CSMD1: variants seen among roughly 807,000 people sequenced by gnomAD.
CSMD1 encodes CUB and sushi domain-containing protein 1.
A neutral mutation model predicts 417.5 loss-of-function variants in CSMD1; 213 were observed. The ratio of observed to expected loss-of-function variants is 0.51; its 90% CI spans 0.46 to 0.57. CSMD1 has a LOEUF of 0.57. Ranked by LOEUF, CSMD1 falls within the 20% of genes least tolerant of loss-of-function variation. The probability of loss-of-function intolerance (pLI) is 0.00; values close to 1 mark genes in which losing one functional copy is unlikely to be tolerated. For synonymous variants in CSMD1, 2,862 were observed against 1,736.8 expected (o/e 1.65, Z -16.11); for missense variants, 6,923 against 4,529.7 (o/e 1.53, Z -15.17).
intron 1 of CSMD1, among the ~76,000 whole-genome samples, chr8:4,896,052 T>C (rs570005704): frequency 6.6e-6 from 1 of 152,268 alleles, no homozygotes; most frequent in African/African-American, 2.4e-5. Context: ...TGTAGTTCAA[T>C]GTGTGGTTTG....
At chr8:3,531,120 C>G (rs1397928925) in intron 10 of CSMD1, among the ~76,000 whole-genome samples, 3 of 152,084 alleles carry the variant, frequency 2.0e-5, no homozygotes, top group Non-Finnish European at 4.4e-5. Context: ...CTAGGCCTCC[C>G]AAAGTGCTGG....
chr8:4,389,639 T>C (rs1313524258), intron 3 of CSMD1, among the ~76,000 whole-genome samples: 1 of 152,174 alleles, frequency 6.6e-6, no homozygotes, highest in East Asian at 1.9e-4. Context: ...CAAATCGTAG[T>C]ATCCACTTCC....
chr8:3,501,288 A>G (rs891075801), intron 10 of CSMD1, among the ~76,000 whole-genome samples: 1 of 152,124 alleles, frequency 6.6e-6, no homozygotes, highest in Admixed American at 6.5e-5. Context: ...ACACATACAC[A>G]CACACCCCAA....
chr8:4,444,197 C>G (rs937208757), intron 2 of CSMD1, among the ~76,000 whole-genome samples: 1 of 151,650 alleles, frequency 6.6e-6, no homozygotes, highest in African/African-American at 2.4e-5. Flanking sequence ...TAAAAACTAG[C>G]CAGGCATGGT....
At chr8:4,308,854 G>C (rs1297688638) in intron 3 of CSMD1, among the ~76,000 whole-genome samples, 1 of 152,040 alleles carries the variant, frequency 6.6e-6, no homozygotes, top group Non-Finnish European at 1.5e-5. Context: ...CATATCAAAG[G>C]CATGTAATGA....
At chr8:4,504,725 A>G (rs1802432064) in intron 2 of CSMD1, among the ~76,000 whole-genome samples, 2 of 152,220 alleles carry the variant, frequency 1.3e-5, no homozygotes, top group Middle Eastern at 6.8e-3. Flanking sequence ...GAGTCAGAAC[A>G]TGTGATGTTT....
At chr8:4,553,633 T>C (rs1797966679) in intron 2 of CSMD1, among the ~76,000 whole-genome samples, 1 of 152,176 alleles carries the variant, frequency 6.6e-6, no homozygotes, top group South Asian at 2.1e-4. Flanking sequence ...TCTACCAATA[T>C]AGCATGAAAA....
chr8:3,473,382 T>G (rs1047904565), intron 11 of CSMD1, among the ~76,000 whole-genome samples: 2 of 152,186 alleles, frequency 1.3e-5, no homozygotes, highest in Admixed American at 1.3e-4. Context: ...ATTATAGTTA[T>G]TTTAAAGCTG....
chr8:3,468,816 C>T lies in CSMD1; in HGVS notation c.1457G>A (p.Gly486Glu). 2 of 1,593,186 alleles carry T rather than the reference C, an allele frequency of 1.3e-6. No homozygotes were observed. Among genetic ancestry groups the T allele is most frequent in the Non-Finnish European group, 1.7e-6 (2 of 1,169,464 alleles). ...CACAATGAGGTCAGGAACACTGGAT[C>T]CCGTGAGCCTGCAAGAAAGAGAAAT... ...DTRSVLYVLT[G>E]SSVPDLIVSM... The change falls in exon 12 of 70, where the codon GGA becomes GAA. Residue 486 changes from glycine (G) to glutamate (E), a missense_variant. Coordinates refer to ENST00000635120, the MANE Select transcript of CSMD1 (RefSeq NM_033225.6).
chr8:3,263,983 A>G (rs1385371715), intron 26 of CSMD1, among the ~76,000 whole-genome samples: 5 of 152,208 alleles, frequency 3.3e-5, no homozygotes, highest in African/African-American at 1.2e-4. Context: ...TTGCATCCTC[A>G]TGAAACTGAA....
At chr8:3,823,306 C>A (rs1474266123) in intron 5 of CSMD1, among the ~76,000 whole-genome samples, 1 of 152,144 alleles carries the variant, frequency 6.6e-6, no homozygotes, top group Non-Finnish European at 1.5e-5. Flanking sequence ...CTCCTGCAAA[C>A]CATCTTCTGG....
At chr8:3,489,523 G>A (rs551122185) in intron 11 of CSMD1, among the ~76,000 whole-genome samples, 24 of 152,176 alleles carry the variant, frequency 1.6e-4, no homozygotes, top group African/African-American at 5.8e-4. Context: ...TTCGAGAACA[G>A]TCTCAATAGA....
intron 5 of CSMD1, among the ~76,000 whole-genome samples, chr8:3,813,125 T>A (rs1280308624): frequency 6.6e-6 from 1 of 151,156 alleles, no homozygotes; most frequent in East Asian, 2.0e-4. Flanking sequence ...AGATGAAGAC[T>A]TTCACATATG....
intron 2 of CSMD1, among the ~76,000 whole-genome samples, chr8:4,553,389 GTAT>G (rs1465820673): frequency 3.4e-5 from 5 of 148,732 alleles, no homozygotes; most frequent in African/African-American, 1.2e-4. Context: ...GCTTCATTTT[GTAT>G]TATTTTCATT....
At chr8:2,999,177 T>TA (rs1309630030) in intron 53 of CSMD1, among the ~76,000 whole-genome samples, 8 of 134,838 alleles carry the variant, frequency 5.9e-5, no homozygotes, top group African/African-American at 2.2e-4. Flanking sequence ...TTTTTTGAGA[T>TA]AGAGTCTTGG....
intron 5 of CSMD1, among the ~76,000 whole-genome samples, chr8:3,808,151 C>T (rs191019700): frequency 1.4e-4 from 22 of 152,246 alleles, no homozygotes; most frequent in Admixed American, 6.5e-4. Flanking sequence ...CATCTATAAT[C>T]TCTATGAAAT....
intron 2 of CSMD1, among the ~76,000 whole-genome samples, chr8:4,479,595 G>C (rs900040183): frequency 6.6e-6 from 1 of 152,018 alleles, no homozygotes; most frequent in African/African-American, 2.4e-5. Flanking sequence ...TTAGTTGACT[G>C]CTTTAAAAAT....
At chr8:3,374,791 C>T (rs913314929) in intron 18 of CSMD1, among the ~76,000 whole-genome samples, 1 of 152,144 alleles carries the variant, frequency 6.6e-6, no homozygotes, top group Non-Finnish European at 1.5e-5. Context: ...GCACACAGCC[C>T]TCTGGGGATT....
At chr8:3,087,020 T>C in intron 49 of CSMD1, 77 bp downstream of exon 49, 1 of 1,262,424 alleles carries the variant, frequency 7.9e-7, no homozygotes, top group Non-Finnish European at 1.1e-6. Flanking sequence ...AGTTAGTGCT[T>C]CATTTATTTT....
Sources: gnomAD v4.1 joint callset for allele counts (sites outside exome capture counted in the v4.1 genomes callset) on GRCh38, gnomAD v4.1.1 for gene constraint, MANE v1.5 for transcripts, NCBI Gene and HGNC (gene_info 2026-07-23, HGNC 2026-07-21) for gene names.